The following DENND1A variants were observed in gnomAD, a reference collection of about 807,000 sequenced individuals.
DENND1A encodes DENN domain containing 1A.
DENND1A carries 51 observed loss-of-function variants against 113.7 expected under a neutral mutation model. The observed-to-expected ratio is 0.45, with a 90% confidence interval of 0.36 to 0.57. The LOEUF (loss-of-function observed/expected upper bound fraction) is 0.57, where lower values mean the gene tolerates loss of function less well. Among genes scored for constraint, DENND1A ranks in the 20% least tolerant of loss-of-function variants. The pLI is 0.00. For synonymous variants in DENND1A, 565 were observed against 570.8 expected (o/e 0.99, Z 0.14); for missense variants, 1,258 against 1,395.9 (o/e 0.90, Z 1.57).
At chr9:123,728,184 G>C (rs917570487) in intron 5 of DENND1A, among the ~76,000 whole-genome samples, 3 of 149,236 alleles carry the variant, frequency 2.0e-5, no homozygotes, top group Non-Finnish European at 3.0e-5. Context: ...ATTGTAAAAA[G>C]GTTATCTTTG....
In DENND1A at chr9:123,383,656, T is replaced by C. The variant is rs770362481; in HGVS notation, c.2018A>G (p.Gln673Arg). The C allele has an allele frequency of 1.9e-6, 3 of 1,612,976 alleles. No homozygotes were observed. The Admixed American group carries it at 5.0e-5, about 27-fold the overall frequency. Residue 673 changes from glutamine to arginine, a missense_variant and splice_region_variant, in exon 23 of 24, where the codon CAG (glutamine) becomes CGG (arginine). By Grantham distance (43) the Gln-to-Arg change is conservative. Around this residue, in one of 2 missense-constraint regions of DENND1A, gnomAD observed 1,159 missense variants for 1,231.7 expected, o/e 0.94. Transcript: ENST00000394215. ...LREQPGTFDY[Q>R]RLDLGGSERS... ...TACCCTCCCTTGCCCATGCCATACC[T>C]GATAGTCAAAGGTCCCTGGCTGCTC...
intron 13 of DENND1A, among the ~76,000 whole-genome samples, chr9:123,473,356 G>A (rs1221196445): frequency 6.6e-6 from 1 of 152,114 alleles, no homozygotes; most frequent in African/African-American, 2.4e-5. Context: ...AGGGAACACC[G>A]TTTAATTAGA....
intron 5 of DENND1A, among the ~76,000 whole-genome samples, chr9:123,750,580 C>A (rs551599665): frequency 6.6e-6 from 1 of 152,194 alleles, no homozygotes; most frequent in Non-Finnish European, 1.5e-5. Flanking sequence ...AGCAGTGGGG[C>A]CTTCTGCCAA....
chr9:123,838,309 C>T (rs1428143904), intron 2 of DENND1A, among the ~76,000 whole-genome samples: 2 of 152,108 alleles, frequency 1.3e-5, no homozygotes, highest in African/African-American at 4.8e-5. Flanking sequence ...AAAAAATACA[C>T]ACATACTTGT....
intron 13 of DENND1A, among the ~76,000 whole-genome samples, chr9:123,555,197 G>A (rs920212473): frequency 1.3e-5 from 2 of 152,060 alleles, no homozygotes; most frequent in African/African-American, 4.8e-5. Context: ...GGAGCCACCC[G>A]GGGCTCTCTT....
intron 3 of DENND1A, among the ~76,000 whole-genome samples, chr9:123,783,266 T>G (rs897080421): frequency 6.6e-6 from 1 of 152,220 alleles, no homozygotes; most frequent in Non-Finnish European, 1.5e-5. Flanking sequence ...TCTGATTATG[T>G]CTCTTCATCC....
chr9:123,750,065 C>T (rs2069874342), intron 5 of DENND1A, among the ~76,000 whole-genome samples: 1 of 152,202 alleles, frequency 6.6e-6, no homozygotes. Flanking sequence ...CTGCAGTGGA[C>T]AGCCTGAGGC....
At chr9:123,904,870 C>T (rs960014264) in intron 1 of DENND1A, among the ~76,000 whole-genome samples, 1 of 152,136 alleles carries the variant, frequency 6.6e-6, no homozygotes, top group Non-Finnish European at 1.5e-5. Context: ...CACACAGATA[C>T]TCCTTGAGAA....
intron 12 of DENND1A, among the ~76,000 whole-genome samples, chr9:123,580,688 GA>G (rs1172642116): frequency 6.6e-6 from 1 of 152,196 alleles, no homozygotes; most frequent in African/African-American, 2.4e-5. Context: ...CCACTGAAAG[GA>G]AACAGGGATG....
intron 1 of DENND1A, among the ~76,000 whole-genome samples, chr9:123,886,991 G>A (rs1225591446): frequency 6.6e-6 from 1 of 152,128 alleles, no homozygotes; most frequent in East Asian, 1.9e-4. Context: ...GTGCAAGCAA[G>A]GTAACTGGAG....
intron 2 of DENND1A, among the ~76,000 whole-genome samples, chr9:123,844,480 G>T (rs1050271512): frequency 4.4e-4 from 67 of 151,826 alleles, no homozygotes; most frequent in African/African-American, 1.6e-3. Context: ...ACATCAAAAA[G>T]ATTAAGAAAA....
chr9:123,892,215 G>T (rs1850016607), intron 1 of DENND1A, among the ~76,000 whole-genome samples: 1 of 152,188 alleles, frequency 6.6e-6, no homozygotes, highest in South Asian at 2.1e-4. Context: ...CTCACACAGG[G>T]TTAGAAATAA....
At chr9:123,928,538 T>C (rs1325893531) in intron 1 of DENND1A, 31 of 984,800 alleles carry the variant, frequency 3.1e-5, no homozygotes, top group Non-Finnish European at 3.7e-5. Flanking sequence ...TTTTTTCTCA[T>C]TTCCACAAAA....
chr9:123,406,190 G>A (rs997503666), intron 20 of DENND1A, among the ~76,000 whole-genome samples: 8 of 152,238 alleles, frequency 5.3e-5, no homozygotes, highest in South Asian at 2.1e-4. Context: ...TCAGGTCTGC[G>A]CACGTCTGAT....
intron 19 of DENND1A, among the ~76,000 whole-genome samples, chr9:123,415,251 C>A (rs968567681): frequency 1.3e-5 from 2 of 152,110 alleles, no homozygotes; most frequent in Non-Finnish European, 2.9e-5. Flanking sequence ...GTTTTCCCTG[C>A]GGGTTGTCGG....
chr9:123,797,131 T>C (rs1259008978), intron 2 of DENND1A, among the ~76,000 whole-genome samples: 7 of 152,132 alleles, frequency 4.6e-5, no homozygotes, highest in Admixed American at 3.9e-4. Context: ...AGACAAAATA[T>C]TGAACATATT....
At chr9:123,421,475 C>T (rs2045299137) in intron 19 of DENND1A, among the ~76,000 whole-genome samples, 1 of 152,140 alleles carries the variant, frequency 6.6e-6, no homozygotes. Flanking sequence ...TCTCTCTCCC[C>T]AGAAAGTCCT....
intron 9 of DENND1A, among the ~76,000 whole-genome samples, chr9:123,650,388 T>C (rs541595752): frequency 1.3e-5 from 2 of 152,326 alleles, no homozygotes; most frequent in East Asian, 1.9e-4. Context: ...AGGTGCCTTT[T>C]ATTCATAAGT....
intron 1 of DENND1A, among the ~76,000 whole-genome samples, chr9:123,882,651 A>C (rs192824129): frequency 2.0e-5 from 3 of 152,276 alleles, no homozygotes; most frequent in Admixed American, 1.3e-4. Context: ...CCCTCTATAG[A>C]GTCAGATCAC....
Sources: gnomAD v4.1 joint callset for allele counts (sites outside exome capture counted in the v4.1 genomes callset) on GRCh38, gnomAD v4.1.1 for gene constraint, gnomAD v4.1.1 regional missense constraint, MANE v1.5 for transcripts, NCBI Gene and HGNC (gene_info 2026-07-23, HGNC 2026-07-21) for gene names.